SNTB1: variants seen among roughly 807,000 people sequenced by gnomAD.
SNTB1 encodes the protein syntrophin beta 1.
A neutral mutation model predicts 48.9 loss-of-function variants in SNTB1; 36 were observed. The ratio of observed to expected loss-of-function variants is 0.74; its 90% CI spans 0.56 to 0.97. The LOEUF is 0.97. Among genes scored for constraint, SNTB1 ranks in the 50% least tolerant of loss-of-function variants. The pLI, the probability that SNTB1 is intolerant of heterozygous loss-of-function variation, is 0.00. For synonymous variants in SNTB1, 299 were observed against 294.6 expected (o/e 1.01, Z -0.15); for missense variants, 786 against 703.4 (o/e 1.12, Z -1.33).
chr8:120,678,324 T>C (rs922187035), intron 2 of SNTB1, among the ~76,000 whole-genome samples: 2 of 152,216 alleles, frequency 1.3e-5, no homozygotes, highest in Non-Finnish European at 2.9e-5. Context: ...ACATTCTTAC[T>C]GGTGCCTTCT....
At chr8:120,625,330 G>T (rs923076610) in intron 3 of SNTB1, among the ~76,000 whole-genome samples, 9 of 152,138 alleles carry the variant, frequency 5.9e-5, no homozygotes, top group African/African-American at 2.2e-4. Flanking sequence ...CCCATATGAA[G>T]TTGTATGAAT....
At chr8:120,793,432 G>A (rs189627204) in intron 1 of SNTB1, among the ~76,000 whole-genome samples, 73 of 152,144 alleles carry the variant, frequency 4.8e-4, no homozygotes, top group African/African-American at 1.6e-3. Context: ...AGCAGTTGCA[G>A]TAACCACTTC....
chr8:120,743,978 T>C (rs1164946566), intron 1 of SNTB1, among the ~76,000 whole-genome samples: 1 of 151,894 alleles, frequency 6.6e-6, no homozygotes, highest in East Asian at 1.9e-4. Context: ...AAATAAAAAT[T>C]AGTTAGCCGG....
chr8:120,793,876 C>T lies in SNTB1; in HGVS notation c.571+17397G>A, dbSNP rs28479029. On this transcript the variant is annotated intron_variant, in intron 1 of 6. Coordinates refer to ENST00000517992, the MANE Select transcript of SNTB1 (RefSeq NM_021021.4). Reference sequence around the variant, plus strand: ...TTTGAAATGTTCATATATTTGTTATCTGAAGCATATGAAAGAACTTTTATA... The same window carrying T: ...TTTGAAATGTTCATATATTTGTTATTTGAAGCATATGAAAGAACTTTTATA... Among the ~76,000 whole-genome samples, 356 of 152,142 alleles carry T rather than the reference C, an allele frequency of 2.3e-3. 1 individual carries two copies. The highest frequency in any genetic ancestry group is 8.2e-3 in the African/African-American group (340 of 41,516).
intron 1 of SNTB1, among the ~76,000 whole-genome samples, chr8:120,761,853 A>G (rs4537341): frequency 0.4 from 61,284 of 152,124 alleles, 15,787 homozygotes; most frequent in African/African-American, 0.74. Flanking sequence ...TAATAGAAGT[A>G]TTTCTTTTTT....
chr8:120,586,532 C>A (rs1816144504), intron 3 of SNTB1, among the ~76,000 whole-genome samples: 3 of 152,174 alleles, frequency 2.0e-5, no homozygotes, highest in Admixed American at 2.0e-4. Context: ...CCTTCCCTTG[C>A]TTCTGACCCT....
At chr8:120,598,882 C>T (rs1003962197) in intron 3 of SNTB1, among the ~76,000 whole-genome samples, 6 of 152,098 alleles carry the variant, frequency 3.9e-5, no homozygotes, top group East Asian at 1.9e-4. Context: ...TTCCATCGCA[C>T]GGCTCCTCCT....
intron 1 of SNTB1, among the ~76,000 whole-genome samples, chr8:120,771,228 C>T (rs1421600114): frequency 6.6e-6 from 1 of 152,112 alleles, no homozygotes; most frequent in African/African-American, 2.4e-5. Flanking sequence ...TCCAGGTACC[C>T]AGACAATAAT....
At chr8:120,792,216 G>A (rs78143708) in intron 1 of SNTB1, among the ~76,000 whole-genome samples, 3 of 151,720 alleles carry the variant, frequency 2.0e-5, no homozygotes, top group Non-Finnish European at 2.9e-5. Flanking sequence ...TGGATGAGAC[G>A]AGAGGCCATT....
chr8:120,612,048 G>A (rs1239024763), intron 3 of SNTB1, among the ~76,000 whole-genome samples: 1 of 152,028 alleles, frequency 6.6e-6, no homozygotes, highest in East Asian at 1.9e-4. Flanking sequence ...TTTCATTCAC[G>A]TCTCCCCTGT....
At position 120,548,974 on chromosome 8, in the gene SNTB1, GA is replaced by G. The variant is rs1815432806; in HGVS notation, c.1137-17del. 8 of 1,531,632 alleles carry G rather than the reference GA, an allele frequency of 5.2e-6. No homozygotes were observed. The highest frequency in any genetic ancestry group is 1.3e-5 in the South Asian group (1 of 77,498). The allele number at this position is 1,531,632 out of a possible 1,614,324, so 94.9% of individuals were successfully genotyped here. On this transcript the variant is annotated splice_polypyrimidine_tract_variant and intron_variant, in intron 4 of 6. Coordinates refer to ENST00000517992, the MANE Select transcript of SNTB1 (RefSeq NM_021021.4). ...ATGGACCAGCCTGGAGAGAGAGAGA[GA>G]GAGACATCATCAAAATGGAGACTAG...
intron 2 of SNTB1, chr8:120,637,642 T>G (rs1049377056): frequency 3.4e-6 from 1 of 291,894 alleles, no homozygotes; most frequent in African/African-American, 2.3e-5. Flanking sequence ...CTTCTTACTA[T>G]AGGGTAAACA....
intron 1 of SNTB1, among the ~76,000 whole-genome samples, chr8:120,796,802 C>T (rs1445971383): frequency 6.6e-6 from 1 of 151,988 alleles, no homozygotes; most frequent in Admixed American, 6.6e-5. Context: ...ATGTGTATAG[C>T]ATTTCTATTT....
chr8:120,808,903 A>T (rs4242324), intron 1 of SNTB1, among the ~76,000 whole-genome samples: 48,563 of 151,546 alleles, frequency 0.32, 7,930 homozygotes, highest in Middle Eastern at 0.44. Flanking sequence ...AGGTTTTTTT[A>T]AAAAAAAGGG....
At chr8:120,735,172 G>A (rs991368995) in intron 1 of SNTB1, among the ~76,000 whole-genome samples, 3 of 152,196 alleles carry the variant, frequency 2.0e-5, no homozygotes, top group African/African-American at 4.8e-5. Flanking sequence ...ATGCCACAAA[G>A]TTTACACAAA....
At chr8:120,757,727 TC>T (rs1304996309) in intron 1 of SNTB1, among the ~76,000 whole-genome samples, 2 of 152,206 alleles carry the variant, frequency 1.3e-5, no homozygotes, top group Non-Finnish European at 2.9e-5. Flanking sequence ...AGGGTATCTT[TC>T]CTTCCTGGCC....
intron 3 of SNTB1, among the ~76,000 whole-genome samples, chr8:120,614,487 C>G (rs533863951): frequency 1.3e-5 from 2 of 152,284 alleles, no homozygotes; most frequent in East Asian, 3.9e-4. Context: ...TTTCCAAGGC[C>G]AGAGTAGCAT....
At chr8:120,673,724 C>T (rs1817791714) in intron 2 of SNTB1, among the ~76,000 whole-genome samples, 1 of 124,020 alleles carries the variant, frequency 8.1e-6, no homozygotes, top group Non-Finnish European at 1.7e-5. Flanking sequence ...ACCAGGGCCT[C>T]CTGGATGGGG....
chr8:120,556,953 C>A (rs1037498893), intron 4 of SNTB1, among the ~76,000 whole-genome samples: 1 of 152,088 alleles, frequency 6.6e-6, no homozygotes, highest in Non-Finnish European at 1.5e-5. Flanking sequence ...TTGCATAAGG[C>A]CTTTAAGATC....
Sources: allele counts gnomAD v4.1 joint callset (sites outside exome capture counted in the v4.1 genomes callset), GRCh38; gene constraint gnomAD v4.1.1; transcripts MANE v1.5; gene names NCBI Gene and HGNC (gene_info 2026-07-23, HGNC 2026-07-21).